COL5A1: variants seen among roughly 807,000 people sequenced by gnomAD.
COL5A1 encodes the protein collagen type V alpha 1 chain.
A neutral mutation model predicts 263.7 loss-of-function variants in COL5A1; 16 were observed. That is an observed-to-expected ratio of 0.06 (90% CI 0.04 to 0.09). The LOEUF (loss-of-function observed/expected upper bound fraction) is 0.09. COL5A1 is among the 10% of genes least tolerant of loss of function. The pLI is 1.00. For missense variants in COL5A1, 2,036 were observed against 2,540.5 expected (o/e 0.80, Z 4.27); for synonymous variants, 1,012 against 1,004.5 (o/e 1.01, Z -0.14).
chr9:134,833,039 G>A (rs894050877), intron 64 of COL5A1, among the ~76,000 whole-genome samples: 1 of 152,218 alleles, frequency 6.6e-6, no homozygotes, highest in Non-Finnish European at 1.5e-5. Flanking sequence ...ACGAGGCAGC[G>A]GTTGCATAGG....
chr9:134,835,542 G>A (rs1839823067), intron 65 of COL5A1, among the ~76,000 whole-genome samples: 1 of 152,238 alleles, frequency 6.6e-6, no homozygotes, highest in Non-Finnish European at 1.5e-5. Flanking sequence ...GGAGCTGGGA[G>A]CCTCCCTCTC....
chr9:134,650,225 CTT>C (rs1413975208), intron 1 of COL5A1, among the ~76,000 whole-genome samples: 2 of 152,082 alleles, frequency 1.3e-5, no homozygotes, highest in Admixed American at 1.3e-4. Flanking sequence ...GCAGGAGTGA[CTT>C]AAGTTGAAAA....
At chr9:134,656,131 G>A (rs1286355540) in intron 1 of COL5A1, among the ~76,000 whole-genome samples, 1 of 152,270 alleles carries the variant, frequency 6.6e-6, no homozygotes, top group Non-Finnish European at 1.5e-5. Context: ...CAGGAGCCCC[G>A]GGGCCCCACC....
At chr9:134,736,886 A>G (rs898116501) in intron 9 of COL5A1, among the ~76,000 whole-genome samples, 1 of 152,242 alleles carries the variant, frequency 6.6e-6, no homozygotes, top group East Asian at 1.9e-4. Flanking sequence ...TCAAAACCCC[A>G]CAGGACGAAC....
In COL5A1 at chr9:134,677,170, A is replaced by G. The variant is rs1242333475; in HGVS notation, c.110-13742A>G. 6.6e-6 allele frequency among the ~76,000 whole-genome samples: 1 copy of G among 152,158 alleles called. No individual in the cohort carries two copies. Among genetic ancestry groups the G allele is most frequent in the South Asian group, 2.1e-4 (1 of 4,836 alleles). ...CATCTTCCTTGAGCTTCATGAAGGA[A>G]CAGTGTCTCTGCTGGATGCTACCTT... is the stretch of plus-strand genomic sequence containing the variant. On this transcript the variant is annotated intron_variant, in intron 1 of 65. Transcript: ENST00000371817. This position sits in a 1 kb window ranked among gnomAD's most constrained non-coding sequence, Gnocchi z 4.4.
intron 32 of COL5A1, among the ~76,000 whole-genome samples, chr9:134,791,114 C>A (rs1472511173): frequency 2.0e-5 from 3 of 152,208 alleles, no homozygotes; most frequent in Admixed American, 2.0e-4. Context: ...TCACGGGACA[C>A]AACACAAACC....
At chr9:134,730,616 C>T in intron 7 of COL5A1, 141 bp downstream of exon 7, 2 of 1,165,536 alleles carry the variant, frequency 1.7e-6, no homozygotes, top group Non-Finnish European at 2.5e-6. Context: ...CACACCCTGG[C>T]CCTGGGCCCT....
At chr9:134,830,727 A>G (rs960994843) in intron 64 of COL5A1, among the ~76,000 whole-genome samples, 6 of 152,198 alleles carry the variant, frequency 3.9e-5, no homozygotes, top group African/African-American at 1.4e-4. Context: ...ATCGAGTCTT[A>G]CAGAATCCAT....
At chr9:134,817,873 C>T (rs1327979392) in intron 54 of COL5A1, 42 bp downstream of exon 54, 3 of 1,548,386 alleles carry the variant, frequency 1.9e-6, no homozygotes, top group African/African-American at 1.4e-5. Context: ...GTAGACCTCC[C>T]CCAGGGGAGC....
intron 4 of COL5A1, among the ~76,000 whole-genome samples, chr9:134,720,354 G>T (rs1418408998): frequency 6.6e-6 from 1 of 152,278 alleles, no homozygotes; most frequent in South Asian, 2.1e-4. Flanking sequence ...AGCACCTCCC[G>T]CCGGCCAGTG....
rs34911100 is a variant in COL5A1 at position 134,772,974 on chromosome 9, G to A, written c.2331+140G>A. The A allele has an allele frequency of 0.045, 40,282 of 897,414 alleles. 1,074 individuals carry two copies. Among genetic ancestry groups the A allele is most frequent in the Non-Finnish European group, 0.055 (30,119 of 551,372 alleles). 55.6% of individuals were successfully genotyped at this position (897,414 alleles called of 1,614,324 possible). ...ACTCAGCCCTTCCTCAGGTGTCTCCGCCAAGGGACCCAGCCTGGGGGGGAC... is the reference window on the plus strand; with the variant it reads ...ACTCAGCCCTTCCTCAGGTGTCTCCACCAAGGGACCCAGCCTGGGGGGGAC... On this transcript the variant is annotated intron_variant, in intron 26 of 65. Transcript: ENST00000371817.
chr9:134,770,584 G>A (rs1036863328), intron 25 of COL5A1, among the ~76,000 whole-genome samples: 1 of 152,234 alleles, frequency 6.6e-6, no homozygotes, highest in African/African-American at 2.4e-5. Flanking sequence ...CTGCAGAGAC[G>A]ACAGATGATT....
At chr9:134,708,492 G>T in intron 4 of COL5A1, 1 of 475,520 alleles carries the variant, frequency 2.1e-6, no homozygotes, top group South Asian at 1.5e-5. Context: ...TCCAAGACCC[G>T]CATCTACCCA....
chr9:134,783,588 G>A (rs1352299530), intron 29 of COL5A1, among the ~76,000 whole-genome samples: 2 of 152,136 alleles, frequency 1.3e-5, no homozygotes, highest in African/African-American at 4.8e-5. Flanking sequence ...GCACCGGGAC[G>A]GACATCTGTC....
chr9:134,724,341 AG>A (rs1407770193), intron 4 of COL5A1, among the ~76,000 whole-genome samples: 1 of 152,252 alleles, frequency 6.6e-6, no homozygotes, highest in East Asian at 1.9e-4. Context: ...GAGAGAAAGC[AG>A]GGAGCAGAGA....
At position 134,794,464 on chromosome 9, in the gene COL5A1, C is replaced by T. The variant is rs1251482998; in HGVS notation, c.2701-618C>T. Among the ~76,000 whole-genome samples the T allele has an allele frequency of 6.6e-6, 1 of 152,166 alleles. No individual in the cohort carries two copies. Among genetic ancestry groups the T allele is most frequent in the Non-Finnish European group, 1.5e-5 (1 of 68,042 alleles). On this transcript the variant is annotated intron_variant, in intron 32 of 65. Coordinates refer to ENST00000371817, the MANE Select transcript of COL5A1 (RefSeq NM_000093.5). This position sits in a 1 kb window ranked among gnomAD's most constrained non-coding sequence, Gnocchi z 4.3. ...GCTTAACTACATTTTCCAGCTCTGA[C>T]ATCTTTGCACTGCATTTGTTTTCTG...
chr9:134,727,443 T>C (rs751600493), intron 5 of COL5A1, 46 bp downstream of exon 5: 4 of 1,609,568 alleles, frequency 2.5e-6, no homozygotes, highest in Middle Eastern at 1.7e-4. Context: ...AGCAGACTAC[T>C]TGGGATGGTT....
intron 10 of COL5A1, 89 bp downstream of exon 10, chr9:134,738,604 A>T: frequency 6.4e-7 from 1 of 1,573,674 alleles, no homozygotes; most frequent in Non-Finnish European, 8.7e-7. Flanking sequence ...TGGATGGAAA[A>T]GAGGGGGGCT....
chr9:134,726,883 G>T (rs1834676726), intron 4 of COL5A1, among the ~76,000 whole-genome samples: 1 of 150,732 alleles, frequency 6.6e-6, no homozygotes, highest in African/African-American at 2.4e-5. Flanking sequence ...AGGTGAATGG[G>T]TGAATGGATG....
Sources: gnomAD v4.1 joint callset for allele counts (sites outside exome capture counted in the v4.1 genomes callset) on GRCh38, gnomAD v4.1.1 for gene constraint, Gnocchi (gnomAD v3.1) non-coding constraint, MANE v1.5 for transcripts, NCBI Gene and HGNC (gene_info 2026-07-23, HGNC 2026-07-21) for gene names.